TTN: variants seen among roughly 807,000 people sequenced by gnomAD.
TTN encodes the protein titin.
TTN carries 1,525 observed loss-of-function variants against 3,223.0 expected under a neutral mutation model. That is an observed-to-expected ratio of 0.47 (90% CI 0.45 to 0.49). The LOEUF is 0.49. Among genes scored for constraint, TTN ranks in the 20% least tolerant of loss-of-function variants. The pLI is 0.00. For synonymous variants in TTN, 14,094 were observed against 15,161.0 expected (o/e 0.93, Z 5.17); for missense variants, 40,786 against 43,424.0 (o/e 0.94, Z 5.40).
At position 178,559,758 on chromosome 2, in the gene TTN, C is replaced by A; in HGVS notation, c.86374G>T (p.Asp28792Tyr). 2.5e-6 allele frequency: 4 copies of A among 1,599,562 alleles called. No homozygotes were observed. In the Middle Eastern group the frequency reaches 5.0e-4, roughly 201 times the overall value. Residue 28792 changes from aspartate (D) to tyrosine (Y), a missense_variant, in exon 326 of 363, where the codon GAC (aspartate) becomes TAC (tyrosine). Coordinates refer to ENST00000589042, the MANE Select transcript of TTN (RefSeq NM_001267550.2). ...TAAGCTCTAGTACGGAGGTCAGTGT[C>A]TGGCTTACTCCACAAGACATTGGGT... Reference protein sequence around the residue: ...PVPNVLWSKPDTDLRTRAYVD... With the variant: ...PVPNVLWSKPYTDLRTRAYVD...
At chr2:178,680,204 A>G in intron 139 of TTN, 50 bp downstream of exon 139, 1 of 1,601,718 alleles carries the variant, frequency 6.2e-7, no homozygotes. Flanking sequence ...CTGAAGAGGA[A>G]TTCAACAGCA....
At position 178,553,269 on chromosome 2, in the gene TTN, C is replaced by T. The variant is rs767080000; in HGVS notation, c.89631G>A (p.Glu29877=). Residue 29877 remains glutamate, a synonymous_variant, in exon 335 of 363, where the codon GAG becomes GAA. Transcript: ENST00000589042. ...ATCTGGCATCACTGCCAAGATTCTT[C>T]TCATCTTTTCTCCATGTGACAGTAG... ...PPPTVTWRKD[E]KNLGSDARYS... The T allele has an allele frequency of 6.2e-6, 10 of 1,611,574 alleles. No individual in the cohort carries two copies. Among genetic ancestry groups the T allele is most frequent in the Non-Finnish European group, 8.5e-6 (10 of 1,179,798 alleles).
At chr2:178,665,885 C>T in intron 163 of TTN, 94 bp from the exon 164 acceptor site, 1 of 519,234 alleles carries the variant, frequency 1.9e-6, no homozygotes, top group Non-Finnish European at 3.0e-6. Context: ...CAGATGGGAA[C>T]CTTCTCCCAC....
chr2:178,732,337 T>C lies in TTN; in HGVS notation c.16632A>G (p.Thr5544=). The change falls in exon 57 of 363, where the codon ACA becomes ACG. Residue 5544 remains threonine, a synonymous_variant. Coordinates refer to ENST00000589042, the MANE Select transcript of TTN (RefSeq NM_001267550.2). The part of the protein sequence containing the change: ...SANLFVKEPA[T]FVEKLEPSQL... ...GTGATGGCTCTAACTTTTCAACAAA[T>C]GTGGCAGGTTCTGTGGAAGGAAGGA... The C allele has an allele frequency of 6.3e-7, 1 of 1,599,476 alleles. No individual in the cohort carries two copies. The highest frequency in any genetic ancestry group is 2.2e-5 in the East Asian group (1 of 44,704).
chr2:178,805,097 C>A, intron 1 of TTN, among the ~76,000 whole-genome samples: 1 of 151,734 alleles, frequency 6.6e-6, no homozygotes, highest in African/African-American at 2.4e-5. Context: ...AATCCCAGCA[C>A]TTTAGGAGGC....
chr2:178,630,682 T>C, intron 238 of TTN, 122 bp downstream of exon 238: 1 of 1,407,276 alleles, frequency 7.1e-7, no homozygotes, highest in Non-Finnish European at 9.7e-7. Context: ...CTCTTTGGCT[T>C]AGGGTCTGAT....
At chr2:178,774,538 G>C in intron 29 of TTN, 65 bp from the exon 30 acceptor site, 1 of 1,502,830 alleles carries the variant, frequency 6.7e-7, no homozygotes, top group African/African-American at 1.4e-5. Flanking sequence ...ACTTAGGATA[G>C]AGATGATGTC....
rs2058399630 is a variant in TTN at position 178,622,187 on chromosome 2, AATT to A, written c.44914-182_44914-180del. On this transcript the variant is annotated intron_variant, in intron 243 of 362. Transcript: ENST00000589042. ...CCCCAAAAGCAAGAACAATCTTACC[AATT>A]ACTGTTAAGTTAGCTGCTGTGATAC... is the stretch of plus-strand genomic sequence containing the variant. Among the ~76,000 whole-genome samples, 3 of 152,020 alleles carry A rather than the reference AATT, an allele frequency of 2.0e-5. No individual in the cohort carries two copies. The South Asian group carries it at 6.2e-4, about 32-fold the overall frequency.
intron 258 of TTN, 74 bp from the exon 259 acceptor site, chr2:178,615,558 C>T: frequency 6.2e-7 from 1 of 1,609,140 alleles, no homozygotes; most frequent in Non-Finnish European, 8.5e-7. Context: ...CCAACCCCTG[C>T]CTTGCCCCAT....
At position 178,681,621 on chromosome 2, in the gene TTN, C is replaced by G. The variant is rs570867783; in HGVS notation, c.33172+40G>C. On this transcript the variant is annotated intron_variant, in intron 136 of 362. Coordinates refer to ENST00000589042, the MANE Select transcript of TTN (RefSeq NM_001267550.2). ...TATAGTAGGACAGACATGGAGGAAACAAAGATCTCTTACAGGTAATAATGT... is the reference window on the plus strand; with the variant it reads ...TATAGTAGGACAGACATGGAGGAAAGAAAGATCTCTTACAGGTAATAATGT... The G allele has an allele frequency of 3.0e-5, 48 of 1,576,126 alleles. No individual in the cohort carries two copies. In the Admixed American group the frequency reaches 5.0e-4, roughly 16 times the overall value.
intron 138 of TTN, 115 bp from the exon 139 acceptor site, chr2:178,680,446 T>A (rs1272007382): frequency 1.2e-6 from 1 of 833,904 alleles, no homozygotes; most frequent in African/African-American, 1.7e-5. Flanking sequence ...ATGAGATACA[T>A]ATGCGATTGT....
In TTN at chr2:178,568,990, A is replaced by G. The variant is rs1322662703; in HGVS notation, c.77142T>C (p.Ser25714=). ...CAGGTTTTGTCCAACTCAGAGAGAC[A>G]CTGTTTCTGGTGACATCATCCACAG... is the stretch of plus-strand genomic sequence containing the variant. ...KITVDDVTRN[S]VSLSWTKPEH... The change falls in exon 326 of 363, where the codon AGT becomes AGC. Residue 25714 remains serine, a synonymous_variant. Transcript: ENST00000589042. 2 of 1,613,284 alleles carry G rather than the reference A, an allele frequency of 1.2e-6. No individual in the cohort carries two copies. The highest frequency in any genetic ancestry group is 1.7e-6 in the Non-Finnish European group (2 of 1,179,564).
At position 178,799,566 on chromosome 2, in the gene TTN, G is replaced by A. The variant is rs138060032; in HGVS notation, c.835C>T (p.Arg279Trp). The A allele has an allele frequency of 4.0e-4, 640 of 1,614,026 alleles. 1 individual carries two copies. The highest frequency in any genetic ancestry group is 5.2e-4 in the Non-Finnish European group (611 of 1,180,022). Residue 279 changes from arginine to tryptophan, a missense_variant, in exon 6 of 363, where the codon CGG becomes TGG. By Grantham distance (101) the Arg-to-Trp change is moderately radical (BLOSUM62 -3). Transcript: ENST00000589042. ...CTTATGGGCGATGGGGACTGCTGCCGAGCCAGCTGTGCTTTGGCAGCAATA... is the reference window on the plus strand; with the variant it reads ...CTTATGGGCGATGGGGACTGCTGCCAAGCCAGCTGTGCTTTGGCAGCAATA... The part of the protein sequence containing the change: ...PSIAAKAQLA[R>W]QQSPSPIRHS...
At chr2:178,536,765 G>T (rs1691717306) in intron 356 of TTN, 173 bp downstream of exon 356, 4 of 803,836 alleles carry the variant, frequency 5.0e-6, no homozygotes, top group Admixed American at 3.2e-5. Context: ...ATGGGGTTAG[G>T]ATATATATTT....
chr2:178,776,922 C>A lies in TTN; in HGVS notation c.4942G>T (p.Glu1648Ter). The A allele has an allele frequency of 6.2e-7, 1 of 1,613,346 alleles. No homozygotes were observed. The highest frequency in any genetic ancestry group is 8.5e-7 in the Non-Finnish European group (1 of 1,179,644). ...GGCTCAGGCTCTGCAAACTCAACTTCAACATTTACTTTGCATCTTGTAGTG... is the reference window on the plus strand; with the variant it reads ...GGCTCAGGCTCTGCAAACTCAACTTAAACATTTACTTTGCATCTTGTAGTG... The part of the protein sequence containing the change: ...RDTTRCKVNV[E>*]VEFAEPEPER... Residue 1648 changes from glutamate to a stop codon, truncating the protein, a stop_gained, in exon 28 of 363, where the codon GAA (glutamate) becomes TAA (stop). Transcript: ENST00000589042. LOFTEE classifies it high-confidence loss of function.
In TTN at chr2:178,561,100, C is replaced by T. The variant is rs1244058387; in HGVS notation, c.85032G>A (p.Gly28344=). 17 of 1,613,704 alleles carry T rather than the reference C, an allele frequency of 1.1e-5. No homozygotes were observed. The highest frequency in any genetic ancestry group is 1.4e-5 in the Non-Finnish European group (17 of 1,179,824). ...CAACATCATCTTTAACTATAATAGGCCCAGTGGATTCAGATGGCTCACTAA... is the reference window on the plus strand; with the variant it reads ...CAACATCATCTTTAACTATAATAGGTCCAGTGGATTCAGATGGCTCACTAA... ...DSVSEPSEST[G]PIIVKDDVEP... Residue 28344 remains glycine, a synonymous_variant, in exon 326 of 363, where the codon GGG becomes GGA. Coordinates refer to ENST00000589042, the MANE Select transcript of TTN (RefSeq NM_001267550.2).
In TTN at chr2:178,653,122, G is replaced by C; in HGVS notation, c.38794C>G (p.Pro12932Ala). The C allele has an allele frequency of 6.2e-7, 1 of 1,612,578 alleles. No individual in the cohort carries two copies. The highest frequency in any genetic ancestry group is 8.5e-7 in the Non-Finnish European group (1 of 1,179,360). The change falls in exon 199 of 363, where the codon CCA (proline) becomes GCA (alanine). Residue 12932 changes from proline (P) to alanine (A), a missense_variant and splice_region_variant. Coordinates refer to ENST00000589042, the MANE Select transcript of TTN (RefSeq NM_001267550.2). ...GGAACAACTTCTTTGGGAGCCTCTG[G>C]CACTTAAAAGATATTAGGTAAAATT... is the stretch of plus-strand genomic sequence containing the variant. ...KKPEVPPVKV[P>A]EAPKEVVPEK...
chr2:178,737,201 G>C (rs2081619123), intron 49 of TTN: 2 of 151,956 alleles, frequency 1.3e-5, no homozygotes, highest in South Asian at 4.2e-4. Flanking sequence ...GGTTAATGAA[G>C]GCATTCAAGT....
chr2:178,537,798 ATC>A lies in TTN; in HGVS notation c.99407_99408del (p.Arg33136IlefsTer3). 6.2e-7 allele frequency: 1 copy of A among 1,613,718 alleles called. No homozygotes were observed. Among genetic ancestry groups the A allele is most frequent in the Non-Finnish European group, 8.5e-7 (1 of 1,179,762 alleles). ...GRPLPDIKWY[R>X]FGKELIQSRK... ...CGGCTTTGTATGAGCTCTTTACCAAATCTGTACCATTTAATGTCAGGAAGAGG... is the reference window on the plus strand; with the variant it reads ...CGGCTTTGTATGAGCTCTTTACCAAATGTACCATTTAATGTCAGGAAGAGG... On this transcript the variant is annotated frameshift_variant, in exon 355 of 363. Coordinates refer to ENST00000589042, the MANE Select transcript of TTN (RefSeq NM_001267550.2). LOFTEE classifies it high-confidence loss of function.
Sources: allele counts gnomAD v4.1 joint callset (sites outside exome capture counted in the v4.1 genomes callset), GRCh38; gene constraint gnomAD v4.1.1; transcripts MANE v1.5; gene names NCBI Gene and HGNC (gene_info 2026-07-23, HGNC 2026-07-21).